SCAMP2: variants seen among roughly 807,000 people sequenced by gnomAD.
SCAMP2 encodes secretory carrier-associated membrane protein 2.
Under a neutral mutation model 44.1 loss-of-function variants are expected in SCAMP2, and 25 were observed. That is an observed-to-expected ratio of 0.57 (90% CI 0.41 to 0.79). The LOEUF is 0.79. SCAMP2 is among the 30% of genes least tolerant of loss of function. The pLI, the probability that SCAMP2 is intolerant of heterozygous loss-of-function variation, is 0.00. For missense variants in SCAMP2, 355 were observed against 411.0 expected, an observed-to-expected ratio of 0.86 and a Z score of 1.18; for synonymous variants, 156 against 166.0, an observed-to-expected ratio of 0.94 and a Z score of 0.46.
chr15:74,854,991 A>ATTC (rs2064459205), intron 1 of SCAMP2, among the ~76,000 whole-genome samples: 1 of 144,754 alleles, frequency 6.9e-6, no homozygotes, highest in African/African-American at 2.6e-5. Context: ...TTTTTTTTTG[A>ATTC]GGGGTGGGGT....
chr15:74,866,840 A>G (rs1431009129), intron 1 of SCAMP2, among the ~76,000 whole-genome samples: 5 of 146,382 alleles, frequency 3.4e-5, no homozygotes, highest in Non-Finnish European at 7.5e-5. Context: ...TCTGTCATGC[A>G]GGCTGGGGGG....
intron 1 of SCAMP2, among the ~76,000 whole-genome samples, chr15:74,865,393 AAG>A (rs1194398997): frequency 6.6e-6 from 1 of 150,798 alleles, no homozygotes; most frequent in African/African-American, 2.4e-5. Flanking sequence ...AAAAAAAAAA[AAG>A]AAAAGAAAAG....
Position 74,845,022 on chromosome 15 carries a change from C to T in SCAMP2, c.*61G>A, listed in dbSNP as rs921916539. The T allele has an allele frequency of 9.6e-6, 15 of 1,567,850 alleles. No individual in the cohort carries two copies. The highest frequency in any genetic ancestry group is 1.7e-4 in the Middle Eastern group (1 of 5,732). On this transcript the variant is annotated 3_prime_UTR_variant, in exon 9 of 9. Coordinates refer to ENST00000268099, the MANE Select transcript of SCAMP2 (RefSeq NM_005697.5). ...CAACCACCACCACATAAGGCACCCACGGAAAGTGCAGCTCAGAAGGCAGGC... is the reference window on the plus strand; with the variant it reads ...CAACCACCACCACATAAGGCACCCATGGAAAGTGCAGCTCAGAAGGCAGGC...
At position 74,844,705 on chromosome 15, in the gene SCAMP2, T is replaced by G; in HGVS notation, c.*378A>C. Reference sequence around the variant, plus strand: ...AGGCCAGGCCTGCAGGGTGGGGGAGTCAAGGCCCAGGACCCTGGCAGAAAG... The same window carrying G: ...AGGCCAGGCCTGCAGGGTGGGGGAGGCAAGGCCCAGGACCCTGGCAGAAAG... On this transcript the variant is annotated 3_prime_UTR_variant, in exon 9 of 9. Transcript: ENST00000268099. 1.7e-5 allele frequency: 3 copies of G among 172,206 alleles called. No homozygotes were observed. The highest frequency in any genetic ancestry group is 1.4e-4 in the South Asian group (1 of 7,076). 10.7% of individuals were successfully genotyped at this position (172,206 alleles called of 1,614,324 possible). A position where few individuals can be genotyped will look rare whatever the true frequency, so the allele number is the denominator to read the frequency against.
rs550586142 is a variant in SCAMP2, at chr15:74,845,232, T to G, written c.856-15A>C. 1.9e-5 allele frequency: 31 copies of G among 1,609,166 alleles called. No homozygotes were observed. Among genetic ancestry groups the G allele is most frequent in the African/African-American group, 5.4e-5 (4 of 74,522 alleles). On this transcript the variant is annotated splice_polypyrimidine_tract_variant and intron_variant, in intron 8 of 8. Coordinates refer to ENST00000268099, the MANE Select transcript of SCAMP2 (RefSeq NM_005697.5). ...AGGGAGTGCACCTGGCGAAGAGGGG[T>G]GGGGTGAGAGAAGCCTGTCCTTTGG...
chr15:74,854,385 C>A (rs1010960801), intron 2 of SCAMP2, among the ~76,000 whole-genome samples, 196 bp downstream of exon 2: 35 of 152,216 alleles, frequency 2.3e-4, no homozygotes, highest in African/African-American at 7.7e-4. Flanking sequence ...GGTCACAGAT[C>A]CCAAGGGGAG....
At chr15:74,851,264 A>T in intron 5 of SCAMP2, 89 bp downstream of exon 5, 1 of 1,461,280 alleles carries the variant, frequency 6.8e-7, no homozygotes, top group Non-Finnish European at 9.4e-7. Context: ...GAAAGCCTGT[A>T]TACCAGGGAG....
intron 4 of SCAMP2, 75 bp downstream of exon 4, chr15:74,851,992 GGA>G: frequency 1.0e-6 from 1 of 954,846 alleles, no homozygotes; most frequent in Non-Finnish European, 1.5e-6. Context: ...GTGAATGCTG[GGA>G]GGCCCTCCGC....
In SCAMP2 at chr15:74,854,071, G is replaced by C; in HGVS notation, c.175C>G (p.Gln59Glu). The C allele has an allele frequency of 1.2e-6, 2 of 1,614,212 alleles. No homozygotes were observed. The highest frequency in any genetic ancestry group is 8.5e-7 in the Non-Finnish European group (1 of 1,180,008). The change falls in exon 3 of 9, where the codon CAG becomes GAG. Residue 59 changes from glutamine (Q) to glutamate (E), a missense_variant. By Grantham distance (29) the Gln-to-Glu change is conservative. Coordinates refer to ENST00000268099, the MANE Select transcript of SCAMP2 (RefSeq NM_005697.5). Reference protein sequence around the residue: ...VPVTQLPGSSQPAVLQPSVEP... With the variant: ...VPVTQLPGSSEPAVLQPSVEP... ...ACTGATGGCTGGAGAACCGCTGGCT[G>C]TGAGGACCCAGGGAGTTGGGTGACA... is the stretch of plus-strand genomic sequence containing the variant.
intron 1 of SCAMP2, among the ~76,000 whole-genome samples, chr15:74,862,575 C>CAATA (rs962362636): frequency 6.6e-6 from 1 of 151,790 alleles, no homozygotes; most frequent in Non-Finnish European, 1.5e-5. Context: ...GACTCCATCT[C>CAATA]AATAAATAAA....
At chr15:74,849,588 AC>A (rs1296872174) in intron 6 of SCAMP2, among the ~76,000 whole-genome samples, 1 of 152,058 alleles carries the variant, frequency 6.6e-6, no homozygotes, top group African/African-American at 2.4e-5. Flanking sequence ...TACTAAAAAT[AC>A]AAAAATTAGC....
intron 1 of SCAMP2, among the ~76,000 whole-genome samples, chr15:74,867,245 TCA>T (rs1288766180): frequency 2.6e-5 from 4 of 152,226 alleles, no homozygotes; most frequent in Admixed American, 2.6e-4. Context: ...GCTGGATGGG[TCA>T]CAGTTTGCAA....
At position 74,873,217 on chromosome 15, in the gene SCAMP2, C is replaced by T. The variant is rs752754715; in HGVS notation, c.39G>A (p.Val13=). Residue 13 remains valine, a synonymous_variant, in exon 1 of 9, where the codon GTG becomes GTA. Transcript: ENST00000268099. The stretch of plus-strand genomic sequence containing the variant: ...GCTCTACCTGGAAGGGGTTTACATC[C>T]ACTGGGTCCGCGAAGGGGTTGGTGT... The part of the protein sequence containing the change: ...AFDTNPFADP[V]DVNPFQDPSV... 5.5e-6 allele frequency: 8 copies of T among 1,458,782 alleles called. No homozygotes were observed. The South Asian group carries it at 1.2e-4, about 21-fold the overall frequency. The allele number at this position is 1,458,782 out of a possible 1,614,324, so 90.4% of individuals were successfully genotyped here. A position where few individuals can be genotyped will look rare whatever the true frequency, so the allele number is the denominator to read the frequency against.
At position 74,845,081 on chromosome 15, in the gene SCAMP2, G is replaced by T. The variant is rs745424859; in HGVS notation, c.*2C>A. 5.6e-6 allele frequency: 9 copies of T among 1,611,376 alleles called. No individual in the cohort carries two copies. The Admixed American group carries it at 8.3e-5, about 15-fold the overall frequency. On this transcript the variant is annotated 3_prime_UTR_variant, in exon 9 of 9. Transcript: ENST00000268099. ...GGCTGAGGGGGAGAGAAGAGAGGAG[G>T]ACTAATTCCCCTGGAAGGCTCCTTG... is the stretch of plus-strand genomic sequence containing the variant.
At chr15:74,862,437 A>C (rs1488284059) in intron 1 of SCAMP2, among the ~76,000 whole-genome samples, 4 of 150,698 alleles carry the variant, frequency 2.7e-5, no homozygotes. Flanking sequence ...TTAGCAGGGC[A>C]CGGTGGTGCA....
At chr15:74,864,655 T>A (rs8037152) in intron 1 of SCAMP2, among the ~76,000 whole-genome samples, 33,157 of 151,802 alleles carry the variant, frequency 0.22, 4,415 homozygotes, top group East Asian at 0.62. Flanking sequence ...AGGACCAAAT[T>A]GAGGGACAGC....
At chr15:74,854,732 G>T in intron 1 of SCAMP2, 83 bp from the exon 2 acceptor site, 1 of 1,254,300 alleles carries the variant, frequency 8.0e-7, no homozygotes. Context: ...ACGCCTGACT[G>T]AAGCAGGGCA....
In SCAMP2 at chr15:74,845,577, G is replaced by A. The variant is rs757091304; in HGVS notation, c.751C>T (p.Leu251=). The part of the protein sequence containing the change: ...GLGDSGWIAA[L]STLDNHSLAI... ...AGGGAATGATTATCCAGTGTAGACAGGGCTGCAATCCAACCGCTATAAAGG... is the reference window on the plus strand; with the variant it reads ...AGGGAATGATTATCCAGTGTAGACAAGGCTGCAATCCAACCGCTATAAAGG... The change falls in exon 8 of 9, where the codon CTG becomes TTG. Residue 251 remains leucine, a synonymous_variant. Transcript: ENST00000268099. The A allele has an allele frequency of 9.9e-6, 16 of 1,614,072 alleles. No homozygotes were observed. Among genetic ancestry groups the A allele is most frequent in the South Asian group, 9.9e-5 (9 of 91,080 alleles).
At chr15:74,860,970 T>C (rs1332676373) in intron 1 of SCAMP2, among the ~76,000 whole-genome samples, 2 of 150,580 alleles carry the variant, frequency 1.3e-5, no homozygotes, top group African/African-American at 2.4e-5. Context: ...AGGTCAGGAG[T>C]GTAAGACCAG....
Sources: allele counts gnomAD v4.1 joint callset (sites outside exome capture counted in the v4.1 genomes callset), GRCh38; gene constraint gnomAD v4.1.1; transcripts MANE v1.5; gene names NCBI Gene and HGNC (gene_info 2026-07-23, HGNC 2026-07-21).